Variants in PTBP3 observed in about 807,000 individuals in gnomAD.
PTBP3 encodes polypyrimidine tract-binding protein 3.
In PTBP3, 20 loss-of-function variants were observed where a neutral mutation model predicts 58.7. The observed-to-expected ratio is 0.34, with a 90% CI of 0.24 to 0.50. The LOEUF is 0.50. Ranked by LOEUF, PTBP3 falls within the 20% of genes least tolerant of loss-of-function variation. The pLI, the probability that PTBP3 is intolerant of heterozygous loss-of-function variation, is 0.98. For missense variants in PTBP3, 509 were observed against 637.2 expected (o/e 0.80, Z 2.17); for synonymous variants, 185 against 219.8 (o/e 0.84, Z 1.40).
chr9:112,281,864 C>T (rs973684666), intron 2 of PTBP3, among the ~76,000 whole-genome samples: 1 of 152,138 alleles, frequency 6.6e-6, no homozygotes, highest in African/African-American at 2.4e-5. Context: ...TCAGTTAAGG[C>T]TACCACACAA....
Position 112,221,216 on chromosome 9 carries a change from C to T in PTBP3, c.*2635G>A. 1 of 984,732 alleles carries T rather than the reference C, an allele frequency of 1.0e-6. No homozygotes were observed. Among genetic ancestry groups the T allele is most frequent in the Non-Finnish European group, 1.2e-6 (1 of 829,004 alleles). The allele number at this position is 984,732 out of a possible 1,614,324, so 61.0% of individuals were successfully genotyped here. A position where few individuals can be genotyped will look rare whatever the true frequency, so the allele number is the denominator to read the frequency against. ...AATAAATTAAAATGTATGTAATGTG[C>T]ATATGTATATACAACTTTAGAAGAG... On this transcript the variant is annotated 3_prime_UTR_variant, in exon 14 of 14. Transcript: ENST00000374257.
At chr9:112,293,989 T>C (rs1828558245) in intron 2 of PTBP3, among the ~76,000 whole-genome samples, 3 of 152,206 alleles carry the variant, frequency 2.0e-5, no homozygotes. Context: ...ATCTAACCTA[T>C]AACTGAATAT....
intron 5 of PTBP3, among the ~76,000 whole-genome samples, chr9:112,258,944 T>C (rs1205285838): frequency 6.6e-6 from 1 of 152,168 alleles, no homozygotes; most frequent in East Asian, 1.9e-4. Flanking sequence ...CTTAACCCTA[T>C]ACAGCTTATT....
At chr9:112,341,501 T>C in the PTBP3 span, among the ~76,000 whole-genome samples, 1 of 152,092 alleles carries the variant, frequency 6.6e-6, no homozygotes. Context: ...TGGGTGTGTG[T>C]GTGTGTGTTG....
At chr9:112,343,559 G>A in the PTBP3 span, among the ~76,000 whole-genome samples, 3,258 of 152,188 alleles carry the variant, frequency 0.021, 55 homozygotes, top group Non-Finnish European at 0.03. Context: ...GGAGGCCGAG[G>A]TGGGCAGATC....
the PTBP3 span, among the ~76,000 whole-genome samples, chr9:112,339,290 C>CAAAA: frequency 0.23 from 16,323 of 71,602 alleles, 2,172 homozygotes; most frequent in Non-Finnish European, 0.28. Flanking sequence ...GACTCTGTCT[C>CAAAA]AAAAAAAAAA....
chr9:112,285,947 TG>T (rs1235132718), intron 2 of PTBP3, among the ~76,000 whole-genome samples: 1 of 152,228 alleles, frequency 6.6e-6, no homozygotes, highest in African/African-American at 2.4e-5. Context: ...ATTTCTGTTT[TG>T]TTCTATTAGT....
At chr9:112,269,647 T>G (rs1332884394) in intron 3 of PTBP3, among the ~76,000 whole-genome samples, 3 of 152,212 alleles carry the variant, frequency 2.0e-5, no homozygotes, top group Non-Finnish European at 4.4e-5. Flanking sequence ...GATCTTTAAG[T>G]CTCTTTGTAG....
the PTBP3 span, among the ~76,000 whole-genome samples, chr9:112,363,988 C>A: frequency 6.6e-6 from 1 of 152,118 alleles, no homozygotes; most frequent in African/African-American, 2.4e-5. Context: ...CTGATCTCTG[C>A]CTATTGATCC....
At position 112,219,279 on chromosome 9, in the gene PTBP3, A is replaced by C. The variant is rs1401714565; in HGVS notation, c.*4572T>G. On this transcript the variant is annotated 3_prime_UTR_variant, in exon 14 of 14. Coordinates refer to ENST00000374257, the MANE Select transcript of PTBP3 (RefSeq NM_001163788.4). ...GGGATGAATTTTTAAAAGATCTGGG[A>C]AACAACAGTAAGGGGGAAAAAAGGC... is the stretch of plus-strand genomic sequence containing the variant. 6.6e-6 allele frequency: 1 copy of C among 152,628 alleles called. No homozygotes were observed. Among genetic ancestry groups the C allele is most frequent in the Non-Finnish European group, 1.5e-5 (1 of 68,036 alleles). The allele number at this position is 152,628 out of a possible 1,614,324, so 9.5% of individuals were successfully genotyped here.
the PTBP3 span, chr9:112,362,840 G>A: frequency 1.2e-5 from 4 of 325,912 alleles, no homozygotes; most frequent in African/African-American, 2.2e-5. Context: ...AGACAACTGC[G>A]TTCATAGAAG....
chr9:112,305,466 C>T (rs1003414625), intron 1 of PTBP3, among the ~76,000 whole-genome samples: 7 of 152,118 alleles, frequency 4.6e-5, no homozygotes, highest in African/African-American at 1.2e-4. Flanking sequence ...AAACTGTAAA[C>T]GCCAAGGCTC....
rs1337820141 is a variant in PTBP3, at chr9:112,223,269, A to G, written c.*582T>C. 2 of 944,290 alleles carry G rather than the reference A, an allele frequency of 2.1e-6. No homozygotes were observed. The highest frequency in any genetic ancestry group is 1.2e-4 in the Admixed American group (2 of 16,182). 58.5% of individuals were successfully genotyped at this position (944,290 alleles called of 1,614,324 possible). On this transcript the variant is annotated 3_prime_UTR_variant, in exon 14 of 14. Coordinates refer to ENST00000374257, the MANE Select transcript of PTBP3 (RefSeq NM_001163788.4). ...AGTGAAAAAAAGAAATCATTCAAAG[A>G]AAACATGCAGGTTTATAAATCTGCT... is the stretch of plus-strand genomic sequence containing the variant.
intron 4 of PTBP3, among the ~76,000 whole-genome samples, chr9:112,267,632 C>T (rs1334862348): frequency 6.6e-6 from 1 of 152,138 alleles, no homozygotes; most frequent in Non-Finnish European, 1.5e-5. Context: ...TCACATTCAT[C>T]TTGAGGAGTC....
upstream of PTBP3, among the ~76,000 whole-genome samples, chr9:112,334,897 G>T (rs1361575912): frequency 1.3e-5 from 2 of 152,166 alleles, no homozygotes; most frequent in African/African-American, 4.8e-5. Flanking sequence ...ATTCGGTGAG[G>T]TAATTCTTAA....
chr9:112,348,739 T>C, the PTBP3 span, among the ~76,000 whole-genome samples: 1 of 152,224 alleles, frequency 6.6e-6, no homozygotes, highest in Non-Finnish European at 1.5e-5. Context: ...CCTCCGTCTC[T>C]CCCTATGCCT....
At chr9:112,277,577 C>G (rs889333332) in intron 2 of PTBP3, among the ~76,000 whole-genome samples, 1 of 151,930 alleles carries the variant, frequency 6.6e-6, no homozygotes, top group African/African-American at 2.4e-5. Context: ...GTGTATCAGG[C>G]CCGGCACAGT....
At chr9:112,275,797 A>AATATT (rs1422851424) in intron 3 of PTBP3, 47 bp downstream of exon 3, 1 of 1,458,076 alleles carries the variant, frequency 6.9e-7, no homozygotes, top group Non-Finnish European at 9.4e-7. Flanking sequence ...CAGTAATACT[A>AATATT]ACATCTGGAG....
the PTBP3 span, among the ~76,000 whole-genome samples, chr9:112,378,753 G>C: frequency 6.6e-6 from 1 of 152,162 alleles, no homozygotes; most frequent in African/African-American, 2.4e-5. Flanking sequence ...CAGGTAATCA[G>C]CAATCACTTA....
Sources: gnomAD v4.1 joint callset for allele counts (sites outside exome capture counted in the v4.1 genomes callset) on GRCh38, gnomAD v4.1.1 for gene constraint, MANE v1.5 for transcripts, NCBI Gene and HGNC (gene_info 2026-07-23, HGNC 2026-07-21) for gene names.